The following MRTFB variants were observed in gnomAD, a reference collection of about 807,000 sequenced individuals.
MRTFB encodes the protein myocardin related transcription factor B.
In MRTFB, 29 loss-of-function variants were observed where a neutral mutation model predicts 104.2. The ratio of observed to expected loss-of-function variants is 0.28; its 90% CI spans 0.21 to 0.38. MRTFB has a LOEUF of 0.38. MRTFB is among the 10% of genes least tolerant of loss of function. The pLI is 1.00. For missense variants in MRTFB, 1,270 were observed against 1,341.6 expected (o/e 0.95, Z 0.83); for synonymous variants, 535 against 519.5 (o/e 1.03, Z -0.41).
At chr16:14,203,283 A>G (rs1313119926) in intron 3 of MRTFB, among the ~76,000 whole-genome samples, 1 of 151,814 alleles carries the variant, frequency 6.6e-6, no homozygotes, top group Non-Finnish European at 1.5e-5. Flanking sequence ...ACCCTCCTTC[A>G]TACCCATAAC....
chr16:13,998,474 C>A, the MRTFB span, among the ~76,000 whole-genome samples: 2 of 152,038 alleles, frequency 1.3e-5, no homozygotes, highest in African/African-American at 2.4e-5. Context: ...CATAGCAAGA[C>A]CCTCTACAAA....
intron 11 of MRTFB, 76 bp downstream of exon 11, chr16:14,245,736 G>A: frequency 6.7e-7 from 1 of 1,491,108 alleles, no homozygotes; most frequent in South Asian, 1.3e-5. Flanking sequence ...TTGTCTAGCA[G>A]ACATTAAGTA....
At chr16:14,041,728 A>G in the MRTFB span, among the ~76,000 whole-genome samples, 8 of 151,860 alleles carry the variant, frequency 5.3e-5, 1 homozygote, top group Admixed American at 5.2e-4. Context: ...GGAGTTTGAG[A>G]CTAGCCTGGC....
At chr16:14,152,408 T>C (rs2038659480) in intron 3 of MRTFB, 1 of 152,120 alleles carries the variant, frequency 6.6e-6, no homozygotes, top group African/African-American at 2.4e-5. Context: ...TCGGTTGTTA[T>C]AGAATATTCT....
chr16:14,158,724 TAA>T (rs1238346003), intron 3 of MRTFB, among the ~76,000 whole-genome samples: 1 of 152,210 alleles, frequency 6.6e-6, no homozygotes, highest in African/African-American at 2.4e-5. Flanking sequence ...AGTTTTATTT[TAA>T]AAGTCTGTTG....
intron 3 of MRTFB, among the ~76,000 whole-genome samples, chr16:14,169,773 G>C (rs7194591): frequency 0.089 from 13,483 of 152,140 alleles, 1,233 homozygotes; most frequent in African/African-American, 0.23. Context: ...GCCTGTAATT[G>C]TAGCTACTTG....
At chr16:14,070,120 G>C (rs1253712879), upstream of MRTFB, among the ~76,000 whole-genome samples, 1 of 152,170 alleles carries the variant, frequency 6.6e-6, no homozygotes, top group Non-Finnish European at 1.5e-5. Context: ...GTTGCAGGTG[G>C]AAGGCTACCT....
At chr16:14,101,788 A>T (rs1386483601) in intron 2 of MRTFB, among the ~76,000 whole-genome samples, 1 of 152,210 alleles carries the variant, frequency 6.6e-6, no homozygotes, top group Non-Finnish European at 1.5e-5. Context: ...CCAATAAACT[A>T]TTCCTTGTTT....
intron 10 of MRTFB, among the ~76,000 whole-genome samples, chr16:14,241,866 A>G (rs1276459858): frequency 6.6e-6 from 1 of 151,932 alleles, no homozygotes; most frequent in Admixed American, 6.6e-5. Context: ...ACCAAAGAGA[A>G]TTGGAAGAGA....
chr16:14,210,180 A>T, intron 3 of MRTFB, 63 bp from the exon 4 acceptor site: 1 of 1,289,770 alleles, frequency 7.8e-7, no homozygotes, highest in South Asian at 1.3e-5. Flanking sequence ...CTCCTCTGGA[A>T]TCACATAAAT....
At chr16:14,008,968 A>G in the MRTFB span, among the ~76,000 whole-genome samples, 1 of 51,298 alleles carries the variant, frequency 1.9e-5, no homozygotes, top group Non-Finnish European at 5.4e-5. Context: ...TCATTTAGAG[A>G]CAGGGTCTCT....
the MRTFB span, among the ~76,000 whole-genome samples, chr16:14,029,323 T>G: frequency 6.7e-6 from 1 of 149,336 alleles, no homozygotes; most frequent in African/African-American, 2.5e-5. Flanking sequence ...TATGTAAATA[T>G]TGAACCTGGG....
chr16:14,223,662 G>C (rs988322779), intron 8 of MRTFB, among the ~76,000 whole-genome samples: 1 of 152,108 alleles, frequency 6.6e-6, no homozygotes, highest in African/African-American at 2.4e-5. Context: ...ATTTGAAATT[G>C]AGTCTGAAGA....
At chr16:14,071,847 G>C (rs548753719) in intron 1 of MRTFB, among the ~76,000 whole-genome samples, 1 of 152,326 alleles carries the variant, frequency 6.6e-6, no homozygotes, top group South Asian at 2.1e-4. Context: ...TTTTCTCCTG[G>C]GGTCCCGACC....
chr16:14,245,838 A>G (rs1414472419), intron 11 of MRTFB, among the ~76,000 whole-genome samples, 178 bp downstream of exon 11: 3 of 152,258 alleles, frequency 2.0e-5, no homozygotes, highest in African/African-American at 7.2e-5. Flanking sequence ...TTGTAAAACA[A>G]CCAATAACTG....
intron 3 of MRTFB, among the ~76,000 whole-genome samples, chr16:14,160,891 C>G (rs1289729906): frequency 6.6e-6 from 1 of 152,000 alleles, no homozygotes; most frequent in East Asian, 1.9e-4. Context: ...TTCCTACCTT[C>G]TGGCACAAGA....
chr16:14,257,568 G>A (rs1287355462), intron 15 of MRTFB, among the ~76,000 whole-genome samples: 2 of 151,558 alleles, frequency 1.3e-5, no homozygotes, highest in African/African-American at 4.8e-5. Flanking sequence ...AAACAGATCC[G>A]GGGGTTGCCT....
intron 8 of MRTFB, among the ~76,000 whole-genome samples, chr16:14,227,456 T>C (rs2042058962): frequency 6.6e-6 from 1 of 152,284 alleles, no homozygotes; most frequent in African/African-American, 2.4e-5. Context: ...TCCTGTACAA[T>C]CTGCAGAATC....
the MRTFB span, among the ~76,000 whole-genome samples, chr16:14,049,863 G>A: frequency 1.1e-4 from 17 of 152,194 alleles, 1 homozygote; most frequent in Admixed American, 6.5e-5. Context: ...CTCCCGAGTA[G>A]GTGGTACTAC....
Sources: gnomAD v4.1 joint callset for allele counts (sites outside exome capture counted in the v4.1 genomes callset) on GRCh38, gnomAD v4.1.1 for gene constraint, MANE v1.5 for transcripts, NCBI Gene and HGNC (gene_info 2026-07-23, HGNC 2026-07-21) for gene names.